The following ATP13A4 variants were observed in gnomAD, a reference collection of about 807,000 sequenced individuals.
The protein encoded by ATP13A4 is probable cation-transporting ATPase 13A4.
A neutral mutation model predicts 142.5 loss-of-function variants in ATP13A4; 114 were observed. That is an observed-to-expected ratio of 0.80 (90% CI 0.69 to 0.93). The LOEUF (loss-of-function observed/expected upper bound fraction) is 0.93. Among genes scored for constraint, ATP13A4 ranks in the 40% least tolerant of loss-of-function variants. The pLI, the probability that ATP13A4 is intolerant of heterozygous loss-of-function variation, is 0.00. For missense variants in ATP13A4, 1,392 were observed against 1,454.0 expected (o/e 0.96, Z 0.69); for synonymous variants, 488 against 514.8 (o/e 0.95, Z 0.70).
chr3:193,492,641 T>C (rs1720005314), intron 5 of ATP13A4, among the ~76,000 whole-genome samples: 1 of 152,104 alleles, frequency 6.6e-6, no homozygotes, highest in South Asian at 2.1e-4. Flanking sequence ...CTAATTCCCA[T>C]CTGTGTGACC....
intron 1 of ATP13A4, among the ~76,000 whole-genome samples, chr3:193,523,481 A>G (rs577601132): frequency 1.3e-5 from 2 of 152,274 alleles, no homozygotes; most frequent in African/African-American, 4.8e-5. Flanking sequence ...ACTGAGTTCC[A>G]CCACCAATGG....
chr3:193,433,492 G>T (rs1716091510), intron 25 of ATP13A4, among the ~76,000 whole-genome samples: 1 of 152,056 alleles, frequency 6.6e-6, no homozygotes, highest in East Asian at 1.9e-4. Context: ...AAGCCATTTG[G>T]CTCCTATAAA....
intron 8 of ATP13A4, among the ~76,000 whole-genome samples, chr3:193,483,624 C>T (rs1195098816): frequency 1.3e-5 from 2 of 151,994 alleles, no homozygotes; most frequent in Non-Finnish European, 2.9e-5. Flanking sequence ...GCCACCACGC[C>T]CGGCTAATTT....
intron 2 of ATP13A4, among the ~76,000 whole-genome samples, chr3:193,568,250 C>T (rs564466896): frequency 6.6e-6 from 1 of 151,936 alleles, no homozygotes; most frequent in African/African-American, 2.4e-5. Flanking sequence ...CATGAGCCAC[C>T]GTGCCCAGCC....
intron 24 of ATP13A4, 138 bp downstream of exon 24, chr3:193,435,510 C>G (rs1716214696): frequency 2.5e-6 from 2 of 785,992 alleles, no homozygotes; most frequent in African/African-American, 3.4e-5. Context: ...TTTACAAATT[C>G]TTAAGGATAT....
At chr3:193,419,493 T>A (rs1715298026) in intron 25 of ATP13A4, among the ~76,000 whole-genome samples, 1 of 149,682 alleles carries the variant, frequency 6.7e-6, no homozygotes, top group Admixed American at 6.9e-5. Flanking sequence ...AGTGCCTGAG[T>A]TGAAGTAGTG....
chr3:193,586,876 G>A (rs1370823962), intron 1 of ATP13A4, among the ~76,000 whole-genome samples: 1 of 152,176 alleles, frequency 6.6e-6, no homozygotes, highest in Non-Finnish European at 1.5e-5. Context: ...ATTAGTGTCT[G>A]CTGGGATTGT....
intron 27 of ATP13A4, among the ~76,000 whole-genome samples, chr3:193,411,955 C>T (rs776848301): frequency 7.9e-5 from 12 of 152,120 alleles, no homozygotes; most frequent in Middle Eastern, 3.4e-3. Flanking sequence ...AAACTTCTGG[C>T]GAAGGAAAGG....
chr3:193,457,466 C>G lies in ATP13A4; in HGVS notation c.1675-1G>C. 2 of 1,612,398 alleles carry G rather than the reference C, an allele frequency of 1.2e-6. No homozygotes were observed. The highest frequency in any genetic ancestry group is 1.7e-6 in the Non-Finnish European group (2 of 1,178,682). On this transcript the variant is annotated splice_acceptor_variant, in intron 14 of 29. Transcript: ENST00000342695. LOFTEE classifies it high-confidence loss of function. ...AATCGTCCCCAGAAAAAGCCATTTCCTATTTCACAAATAGGATATTTCATT... is the reference window on the plus strand; with the variant it reads ...AATCGTCCCCAGAAAAAGCCATTTCGTATTTCACAAATAGGATATTTCATT...
At chr3:193,583,627 G>T (rs1293381192) in intron 1 of ATP13A4, among the ~76,000 whole-genome samples, 2 of 149,078 alleles carry the variant, frequency 1.3e-5, no homozygotes, top group East Asian at 3.9e-4. Context: ...TCCAAAGGAA[G>T]ATTGTATCTT....
rs146547688 is a variant in ATP13A4, at chr3:193,505,446, C to T, written c.235-2807G>A. The stretch of plus-strand genomic sequence containing the variant: ...CTGACATTCATCTATACACCTATCT[C>T]TTCTTATAGCTCATAATATTATCAA... On this transcript the variant is annotated intron_variant, in intron 2 of 29. Coordinates refer to ENST00000342695, the MANE Select transcript of ATP13A4 (RefSeq NM_032279.4). 2.0e-5 allele frequency among the ~76,000 whole-genome samples: 3 copies of T among 152,260 alleles called. No individual in the cohort carries two copies. In the East Asian group the frequency reaches 5.8e-4, roughly 29 times the overall value.
At chr3:193,404,941 T>C (rs1714419958) in intron 29 of ATP13A4, among the ~76,000 whole-genome samples, 2 of 152,150 alleles carry the variant, frequency 1.3e-5, no homozygotes, top group African/African-American at 4.8e-5. Flanking sequence ...AACACATCAA[T>C]AATTGTTTTA....
intron 7 of ATP13A4, among the ~76,000 whole-genome samples, chr3:193,488,549 C>A (rs1719767974): frequency 6.6e-6 from 1 of 152,008 alleles, no homozygotes; most frequent in African/African-American, 2.4e-5. Context: ...TTTAAAAGAA[C>A]TTTTTAAATT....
At chr3:193,585,317 G>A (rs1724646856) in intron 1 of ATP13A4, among the ~76,000 whole-genome samples, 2 of 152,034 alleles carry the variant, frequency 1.3e-5, no homozygotes, top group South Asian at 4.2e-4. Context: ...CTACTCAGAA[G>A]GCCAAGGCAG....
chr3:193,548,895 C>T (rs1159427879), intron 1 of ATP13A4, among the ~76,000 whole-genome samples: 1 of 152,146 alleles, frequency 6.6e-6, no homozygotes, highest in Non-Finnish European at 1.5e-5. Context: ...TTTAGTTACC[C>T]ACTACTGGTT....
At chr3:193,439,384 T>C (rs1209398866) in intron 21 of ATP13A4, among the ~76,000 whole-genome samples, 1 of 152,212 alleles carries the variant, frequency 6.6e-6, no homozygotes, top group Non-Finnish European at 1.5e-5. Flanking sequence ...GGGCACAGGA[T>C]TTGAAACCAG....
rs887129225 is a variant in ATP13A4 at position 193,538,618 on chromosome 3, C to G, written c.60+16122G>C. ...CCACTCAGCCCAGGCCCTTTCAGCA[C>G]TTGTGGATGAAAGCACTTGGACAAT... On this transcript the variant is annotated intron_variant, in intron 1 of 29. Coordinates refer to ENST00000342695, the MANE Select transcript of ATP13A4 (RefSeq NM_032279.4). Among the ~76,000 whole-genome samples the G allele has an allele frequency of 2.8e-4, 42 of 151,762 alleles. 2 individuals carry two copies. The highest frequency in any genetic ancestry group is 2.1e-4 in the South Asian group (1 of 4,824).
intron 25 of ATP13A4, among the ~76,000 whole-genome samples, chr3:193,425,441 C>T (rs946133004): frequency 8.6e-5 from 13 of 151,578 alleles, no homozygotes; most frequent in Admixed American, 6.6e-4. Context: ...TTCATAATAG[C>T]CAAAACATGG....
In ATP13A4 at chr3:193,413,518, T is replaced by C. The variant is rs146641961; in HGVS notation, c.3014+1061A>G. Among the ~76,000 whole-genome samples the C allele has an allele frequency of 1.4e-3, 207 of 152,290 alleles. 3 individuals are homozygous for C. The East Asian group carries it at 0.038, about 28-fold the overall frequency. ...CTTGCAGAGAGCCTATAAATGGACA[T>C]GCAAGTAGGGAAGAGACCGTTGAAT... On this transcript the variant is annotated intron_variant, in intron 26 of 29. Coordinates refer to ENST00000342695, the MANE Select transcript of ATP13A4 (RefSeq NM_032279.4).
Sources: gnomAD v4.1 joint callset for allele counts (sites outside exome capture counted in the v4.1 genomes callset) on GRCh38, gnomAD v4.1.1 for gene constraint, MANE v1.5 for transcripts, NCBI Gene and HGNC (gene_info 2026-07-23, HGNC 2026-07-21) for gene names.